Variants in KCNQ1 observed in about 807,000 individuals in gnomAD.
KCNQ1 encodes potassium voltage-gated channel subfamily Q member 1.
A neutral mutation model predicts 72.4 loss-of-function variants in KCNQ1; 49 were observed. The ratio of observed to expected loss-of-function variants is 0.68; its 90% confidence interval spans 0.54 to 0.86. KCNQ1 has a LOEUF of 0.86. Ranked by LOEUF, KCNQ1 falls within the 40% of genes least tolerant of loss-of-function variation. The pLI is 0.00. For synonymous variants in KCNQ1, 450 were observed against 412.6 expected (o/e 1.09, Z -1.10); for missense variants, 790 against 945.1 (o/e 0.84, Z 2.15).
chr11:2,747,109 G>A (rs956049275), intron 11 of KCNQ1, among the ~76,000 whole-genome samples: 7 of 152,216 alleles, frequency 4.6e-5, no homozygotes, highest in African/African-American at 1.4e-4. Context: ...AGCCCAGCCT[G>A]GCCCATGGTG....
chr11:2,619,560 AG>A, intron 10 of KCNQ1: 1 of 398,562 alleles, frequency 2.5e-6, no homozygotes, highest in Non-Finnish European at 4.4e-6. Context: ...TGTTAAATTT[AG>A]TCTGCCAATA....
chr11:2,741,953 C>A (rs1387011576), intron 11 of KCNQ1, among the ~76,000 whole-genome samples: 1 of 152,262 alleles, frequency 6.6e-6, no homozygotes, highest in Non-Finnish European at 1.5e-5. Context: ...CCCCTCCTAT[C>A]CCCCTGCCCC....
Position 2,691,623 on chromosome 11 carries a change from T to C in KCNQ1, c.1514+29542T>C, listed in dbSNP as rs1233500001. On this transcript the variant is annotated intron_variant, in intron 11 of 15. Coordinates refer to ENST00000155840, the MANE Select transcript of KCNQ1 (RefSeq NM_000218.3). The surrounding 1 kb of genome is among the most constrained non-coding windows in gnomAD (Gnocchi z 6.4). ...AACCTAGCTTGTTCCCTGCACGTAC[T>C]GTGGGGAGGTCCTCTTTACCGCCAC... is the stretch of plus-strand genomic sequence containing the variant. The C allele has an allele frequency of 5.0e-6, 2 of 398,438 alleles. No individual in the cohort carries two copies. The highest frequency in any genetic ancestry group is 8.8e-6 in the Non-Finnish European group (2 of 226,046). The allele number at this position is 398,438 out of a possible 1,614,324, so 24.7% of individuals were successfully genotyped here.
At chr11:2,581,760 A>T (rs1256581731) in intron 6 of KCNQ1, among the ~76,000 whole-genome samples, 1 of 152,252 alleles carries the variant, frequency 6.6e-6, no homozygotes, top group African/African-American at 2.4e-5. Flanking sequence ...CGTGTGGAGC[A>T]TCCCATCTCT....
intron 11 of KCNQ1, among the ~76,000 whole-genome samples, chr11:2,736,570 G>C (rs1008206374): frequency 2.6e-5 from 4 of 152,160 alleles, no homozygotes; most frequent in African/African-American, 4.8e-5. Context: ...CCTTGAGGGA[G>C]TCAATGCCAG....
chr11:2,608,019 G>A lies in KCNQ1; in HGVS notation c.1393+19165G>A, dbSNP rs908709351. 3.9e-5 allele frequency among the ~76,000 whole-genome samples: 6 copies of A among 152,162 alleles called. No individual in the cohort carries two copies. The highest frequency in any genetic ancestry group is 7.2e-5 in the African/African-American group (3 of 41,422). On this transcript the variant is annotated intron_variant, in intron 10 of 15. Coordinates refer to ENST00000155840, the MANE Select transcript of KCNQ1 (RefSeq NM_000218.3). This position sits in a 1 kb window ranked among gnomAD's most constrained non-coding sequence, Gnocchi z 4.6. Reference sequence around the variant, plus strand: ...TCAAGAAAGCATAAAGCACAATAGCGTGGATTTACCTAATGCCACAGAACT... The same window carrying A: ...TCAAGAAAGCATAAAGCACAATAGCATGGATTTACCTAATGCCACAGAACT...
intron 2 of KCNQ1, among the ~76,000 whole-genome samples, chr11:2,556,056 T>G (rs1435450573): frequency 2.0e-5 from 3 of 152,084 alleles, no homozygotes; most frequent in Non-Finnish European, 4.4e-5. Flanking sequence ...ATCAGCGAGG[T>G]GGGTTCGTTC....
chr11:2,575,471 G>C (rs1219969241), intron 6 of KCNQ1, among the ~76,000 whole-genome samples: 2 of 152,194 alleles, frequency 1.3e-5, no homozygotes. Flanking sequence ...CTGTGTTCCT[G>C]GCATTTCTCG....
rs1320051829 is a variant in KCNQ1 at position 2,748,112 on chromosome 11, T to G, written c.1515-20732T>G. Among the ~76,000 whole-genome samples the G allele has an allele frequency of 1.3e-5, 2 of 152,228 alleles. No individual in the cohort carries two copies. The highest frequency in any genetic ancestry group is 3.9e-4 in the East Asian group (2 of 5,172). On this transcript the variant is annotated intron_variant, in intron 11 of 15. Coordinates refer to ENST00000155840, the MANE Select transcript of KCNQ1 (RefSeq NM_000218.3). The surrounding 1 kb of genome is among the most constrained non-coding windows in gnomAD (Gnocchi z 6.2). ...AAAGGGCAGGTTCCCAGGGCTGGGC[T>G]TGTGGCCAGTGCAGCACTATCCTCA... is the stretch of plus-strand genomic sequence containing the variant.
rs977469911 is a variant in KCNQ1 at position 2,776,071 on chromosome 11, G to T, written c.1685+17G>T. ...GCAGAGGAGGTGGGCACGGCCAAAC[G>T]GCAGCGGGGAGGGTGCCCAGGTCCT... On this transcript the variant is annotated intron_variant, in intron 13 of 15. Coordinates refer to ENST00000155840, the MANE Select transcript of KCNQ1 (RefSeq NM_000218.3). 1.9e-6 allele frequency: 3 copies of T among 1,545,946 alleles called. No homozygotes were observed. The highest frequency in any genetic ancestry group is 1.4e-5 in the African/African-American group (1 of 73,320).
At chr11:2,480,563 G>T (rs952749295) in intron 1 of KCNQ1, among the ~76,000 whole-genome samples, 2 of 152,244 alleles carry the variant, frequency 1.3e-5, no homozygotes, top group Non-Finnish European at 2.9e-5. Flanking sequence ...TCTCCCACTG[G>T]GTCCCTCCCA....
rs1045674232 is a variant in KCNQ1, at chr11:2,673,733, G to A, written c.1514+11652G>A. ...TCTCAGGGCTTGGAAGGCCCAGACT[G>A]GACAGGGGAAGGGGTACAGTCCCTT... On this transcript the variant is annotated intron_variant, in intron 11 of 15. Transcript: ENST00000155840. The surrounding 1 kb of genome is among the most constrained non-coding windows in gnomAD (Gnocchi z 4.5). 1.5e-5 allele frequency: 6 copies of A among 398,464 alleles called. No individual in the cohort carries two copies. Among genetic ancestry groups the A allele is most frequent in the Non-Finnish European group, 2.7e-5 (6 of 226,164 alleles). 24.7% of individuals were successfully genotyped at this position (398,464 alleles called of 1,614,324 possible).
At chr11:2,546,976 C>A (rs1283568563) in intron 2 of KCNQ1, among the ~76,000 whole-genome samples, 1 of 152,170 alleles carries the variant, frequency 6.6e-6, no homozygotes, top group East Asian at 1.9e-4. Context: ...ACTTTCAAAC[C>A]ATTTGTGTCT....
chr11:2,622,341 A>C (rs1849187982), intron 10 of KCNQ1: 3 of 398,204 alleles, frequency 7.5e-6, no homozygotes, highest in Non-Finnish European at 1.3e-5. Context: ...ATTCAAGTTT[A>C]TTTCTTTTAT....
Position 2,658,235 on chromosome 11 carries a change from G to C in KCNQ1, c.1394-3726G>C, listed in dbSNP as rs991799052. The C allele has an allele frequency of 2.5e-6, 1 of 398,584 alleles. No individual in the cohort carries two copies. The highest frequency in any genetic ancestry group is 4.4e-6 in the Non-Finnish European group (1 of 226,062). 24.7% of individuals were successfully genotyped at this position (398,584 alleles called of 1,614,324 possible). A position where few individuals can be genotyped will look rare whatever the true frequency, so the allele number is the denominator to read the frequency against. On this transcript the variant is annotated intron_variant, in intron 10 of 15. Coordinates refer to ENST00000155840, the MANE Select transcript of KCNQ1 (RefSeq NM_000218.3). The surrounding 1 kb of genome is among the most constrained non-coding windows in gnomAD (Gnocchi z 4.9). Reference sequence around the variant, plus strand: ...TTCATTCATGGATCGTTTTCCTGCAGCAAATATTACCGTGATGTACTTCTA... The same window carrying C: ...TTCATTCATGGATCGTTTTCCTGCACCAAATATTACCGTGATGTACTTCTA...
chr11:2,627,827 T>C lies in KCNQ1; in HGVS notation c.1394-34134T>C, dbSNP rs117143634. 5,373 of 398,520 alleles carry C rather than the reference T, an allele frequency of 0.013. 159 individuals carry two copies. The highest frequency in any genetic ancestry group is 0.079 in the East Asian group (2,214 of 28,070). The allele number at this position is 398,520 out of a possible 1,614,324, so 24.7% of individuals were successfully genotyped here. A position where few individuals can be genotyped will look rare whatever the true frequency, so the allele number is the denominator to read the frequency against. On this transcript the variant is annotated intron_variant, in intron 10 of 15. Transcript: ENST00000155840. This position sits in a 1 kb window ranked among gnomAD's most constrained non-coding sequence, Gnocchi z 4.9. ...GTACAGTGGCACAATCACAGTTCAC[T>C]GTAGCCTCAACCTCATGGGCTCAAG...
chr11:2,507,495 G>A lies in KCNQ1; in HGVS notation c.387-20433G>A, dbSNP rs1328575429. Reference sequence around the variant, plus strand: ...AGGGTTTGCAGGTAGATAAGGTGGCGGGTGCAGCGGGAGGAAGAGAAAAGG... The same window carrying A: ...AGGGTTTGCAGGTAGATAAGGTGGCAGGTGCAGCGGGAGGAAGAGAAAAGG... On this transcript the variant is annotated intron_variant, in intron 1 of 15. Coordinates refer to ENST00000155840, the MANE Select transcript of KCNQ1 (RefSeq NM_000218.3). This position sits in a 1 kb window ranked among gnomAD's most constrained non-coding sequence, Gnocchi z 5.4. Among the ~76,000 whole-genome samples the A allele has an allele frequency of 1.3e-5, 2 of 152,166 alleles. No individual in the cohort carries two copies. Among genetic ancestry groups the A allele is most frequent in the African/African-American group, 2.4e-5 (1 of 41,438 alleles).
Position 2,705,860 on chromosome 11 carries a change from C to T in KCNQ1, c.1514+43779C>T, listed in dbSNP as rs373424205. ...TATTTGTAGTGAGAACAGATATTTG[C>T]AGAGAGCCTACTCCATTCCCAGCTC... is the stretch of plus-strand genomic sequence containing the variant. On this transcript the variant is annotated intron_variant, in intron 11 of 15. Coordinates refer to ENST00000155840, the MANE Select transcript of KCNQ1 (RefSeq NM_000218.3). 1.1e-3 allele frequency among the ~76,000 whole-genome samples: 161 copies of T among 152,300 alleles called. 2 individuals are homozygous for T. Among genetic ancestry groups the T allele is most frequent in the East Asian group, 5.2e-3 (27 of 5,180 alleles).
At chr11:2,452,607 G>A (rs1459223614) in intron 1 of KCNQ1, among the ~76,000 whole-genome samples, 4 of 152,190 alleles carry the variant, frequency 2.6e-5, no homozygotes. Flanking sequence ...TGATCTTGAC[G>A]GGCCCTGGGC....
Sources: gnomAD v4.1 joint callset for allele counts (sites outside exome capture counted in the v4.1 genomes callset) on GRCh38, gnomAD v4.1.1 for gene constraint, Gnocchi (gnomAD v3.1) non-coding constraint, MANE v1.5 for transcripts, NCBI Gene and HGNC (gene_info 2026-07-23, HGNC 2026-07-21) for gene names.